Variants in GRM7 observed in about 807,000 individuals in gnomAD.
The protein encoded by GRM7 is glutamate metabotropic receptor 7.
Under a neutral mutation model 84.5 loss-of-function variants are expected in GRM7, and 35 were observed. The observed-to-expected ratio is 0.41, with a 90% CI of 0.32 to 0.55. GRM7 has a LOEUF of 0.55. GRM7 is among the 20% of genes least tolerant of loss of function. GRM7 has a pLI of 0.19. For missense variants in GRM7, 1,003 were observed against 1,194.6 expected, an observed-to-expected ratio of 0.84 and a Z score of 2.36; for synonymous variants, 487 against 455.1, an observed-to-expected ratio of 1.07 and a Z score of -0.89.
rs142714266 is a variant in GRM7, at chr3:7,648,581, G to A, written c.2452-31468G>A. Among the ~76,000 whole-genome samples, 335 of 151,878 alleles carry A rather than the reference G, an allele frequency of 2.2e-3. 3 individuals are homozygous for A. The highest frequency in any genetic ancestry group is 7.7e-3 in the African/African-American group (318 of 41,380). On this transcript the variant is annotated intron_variant, in intron 8 of 9. Transcript: ENST00000357716. ...GGAGAATCGCTTGAACCTAGGAGGTGGAGGCTGCAGTGAGCTGAAATTGCA... is the reference window on the plus strand; with the variant it reads ...GGAGAATCGCTTGAACCTAGGAGGTAGAGGCTGCAGTGAGCTGAAATTGCA...
chr3:6,891,384 C>G (rs535105563), intron 1 of GRM7, among the ~76,000 whole-genome samples: 6 of 152,280 alleles, frequency 3.9e-5, no homozygotes, highest in African/African-American at 1.4e-4. Flanking sequence ...TTGTTGCTTT[C>G]CGCGTTTAGT....
chr3:7,688,957 A>G (rs1235129103), intron 9 of GRM7, among the ~76,000 whole-genome samples: 1 of 152,222 alleles, frequency 6.6e-6, no homozygotes. Context: ...GCATCAGCAG[A>G]ATCAATACTT....
intron 1 of GRM7, among the ~76,000 whole-genome samples, chr3:6,952,658 A>G (rs1288008816): frequency 6.6e-6 from 1 of 152,138 alleles, no homozygotes; most frequent in African/African-American, 2.4e-5. Flanking sequence ...CTGATCCTTA[A>G]TGATCTAATT....
At chr3:7,411,954 C>G (rs1474757902) in intron 4 of GRM7, among the ~76,000 whole-genome samples, 3 of 151,954 alleles carry the variant, frequency 2.0e-5, no homozygotes, top group Admixed American at 1.3e-4. Flanking sequence ...CAATGCCTCT[C>G]TCTTCTCTCT....
At chr3:7,339,795 C>T (rs1261830478) in intron 4 of GRM7, among the ~76,000 whole-genome samples, 1 of 151,940 alleles carries the variant, frequency 6.6e-6, no homozygotes, top group Non-Finnish European at 1.5e-5. Context: ...ATTTTTTTTC[C>T]TAAATGGATG....
chr3:7,038,804 T>G (rs1040000242), intron 1 of GRM7, among the ~76,000 whole-genome samples: 5 of 152,168 alleles, frequency 3.3e-5, no homozygotes, highest in African/African-American at 1.2e-4. Context: ...TTAATAACGT[T>G]TTCAAGGGGC....
intron 4 of GRM7, among the ~76,000 whole-genome samples, chr3:7,337,199 A>T (rs1701453639): frequency 6.6e-6 from 1 of 152,190 alleles, no homozygotes; most frequent in Admixed American, 6.6e-5. Flanking sequence ...TGGTGCTGGG[A>T]TAATTGGCAA....
intron 1 of GRM7, among the ~76,000 whole-genome samples, chr3:7,121,590 A>G (rs1315831512): frequency 6.6e-6 from 1 of 152,108 alleles, no homozygotes; most frequent in Non-Finnish European, 1.5e-5. Context: ...CTCCTAATTT[A>G]GATTCTTTTC....
At chr3:7,444,282 A>G (rs193190638) in intron 5 of GRM7, among the ~76,000 whole-genome samples, 2 of 152,272 alleles carry the variant, frequency 1.3e-5, no homozygotes, top group East Asian at 3.9e-4. Flanking sequence ...CTATAGAGAC[A>G]TTTCTTTAAG....
chr3:7,101,780 A>G (rs1231114622), intron 1 of GRM7, among the ~76,000 whole-genome samples: 1 of 147,702 alleles, frequency 6.8e-6, no homozygotes, highest in East Asian at 2.0e-4. Context: ...ATTAAAATAT[A>G]TAAATATATA....
intron 9 of GRM7, among the ~76,000 whole-genome samples, chr3:7,735,522 T>C (rs1399527103): frequency 6.6e-6 from 1 of 152,212 alleles, no homozygotes; most frequent in Non-Finnish European, 1.5e-5. Context: ...TATTGAAAAC[T>C]GAGGTATTTC....
intron 4 of GRM7, among the ~76,000 whole-genome samples, chr3:7,407,400 T>A (rs997210279): frequency 6.6e-6 from 1 of 152,204 alleles, no homozygotes; most frequent in African/African-American, 2.4e-5. Flanking sequence ...TAAGCTCACA[T>A]GACTGCACAT....
At chr3:6,933,566 C>G (rs1352357291) in intron 1 of GRM7, among the ~76,000 whole-genome samples, 1 of 152,116 alleles carries the variant, frequency 6.6e-6, no homozygotes, top group East Asian at 1.9e-4. Flanking sequence ...CAACTTGCAA[C>G]TTGTTTAAGA....
intron 4 of GRM7, among the ~76,000 whole-genome samples, chr3:7,313,128 C>T (rs9847832): frequency 0.065 from 9,901 of 151,782 alleles, 863 homozygotes; most frequent in African/African-American, 0.2. Flanking sequence ...GGGGTTTCAC[C>T]ATGTTGGTCA....
chr3:7,566,789 G>A (rs756829831), intron 7 of GRM7, among the ~76,000 whole-genome samples: 37 of 151,998 alleles, frequency 2.4e-4, no homozygotes, highest in Non-Finnish European at 4.1e-4. Flanking sequence ...AGGCTGTCCC[G>A]ATTCTTCCAG....
intron 2 of GRM7, among the ~76,000 whole-genome samples, chr3:7,211,083 G>T (rs566696472): frequency 1.8e-4 from 28 of 152,146 alleles, no homozygotes; most frequent in African/African-American, 6.0e-4. Context: ...TATTACTGAC[G>T]TGTTCAGACC....
At chr3:7,053,088 TA>T (rs111801238) in intron 1 of GRM7, among the ~76,000 whole-genome samples, 4,014 of 150,334 alleles carry the variant, frequency 0.027, 186 homozygotes, top group African/African-American at 0.093. Context: ...TTTTTTTTTT[TA>T]AAATAATTCT....
rs116778402 is a variant in GRM7 at position 6,926,292 on chromosome 3, C to A, written c.519+64385C>A. ...CTTTTTTCTACATATATCATTTGTG[C>A]ATTCATTTGTGTCAACATCACATAA... On this transcript the variant is annotated intron_variant, in intron 1 of 9. Transcript: ENST00000357716. Among the ~76,000 whole-genome samples the A allele has an allele frequency of 7.9e-3, 1,207 of 152,252 alleles. 21 individuals are homozygous for A. Among genetic ancestry groups the A allele is most frequent in the African/African-American group, 0.027 (1,142 of 41,548 alleles).
chr3:7,334,495 AC>A (rs751634092), intron 4 of GRM7, among the ~76,000 whole-genome samples: 5,643 of 90,622 alleles, frequency 0.062, 238 homozygotes, highest in African/African-American at 0.14. Context: ...AAATAGAAAA[AC>A]AAAAACAAAA....
Sources: gnomAD v4.1 joint callset for allele counts (sites outside exome capture counted in the v4.1 genomes callset) on GRCh38, gnomAD v4.1.1 for gene constraint, MANE v1.5 for transcripts, NCBI Gene and HGNC (gene_info 2026-07-23, HGNC 2026-07-21) for gene names.